The following GABBR2 variants were observed in gnomAD, a reference collection of about 807,000 sequenced individuals.
GABBR2 encodes the protein G-protein coupled receptor 51.
Under a neutral mutation model 105.6 loss-of-function variants are expected in GABBR2, and 23 were observed. The observed-to-expected ratio is 0.22, with a 90% CI of 0.16 to 0.31. GABBR2 has a LOEUF of 0.31. Ranked by LOEUF, GABBR2 falls within the 10% of genes least tolerant of loss-of-function variation. The probability of loss-of-function intolerance (pLI) is 1.00; values close to 1 mark genes in which losing one functional copy is unlikely to be tolerated. For synonymous variants in GABBR2, 478 were observed against 499.7 expected (o/e 0.96, Z 0.58); for missense variants, 734 against 1,245.5 (o/e 0.59, Z 6.18).
intron 7 of GABBR2, among the ~76,000 whole-genome samples, chr9:98,446,069 G>C (rs1198991822): frequency 6.6e-6 from 1 of 152,182 alleles, no homozygotes; most frequent in South Asian, 2.1e-4. Flanking sequence ...TAGAGGCAGA[G>C]TTTACTTGGT....
intron 11 of GABBR2, among the ~76,000 whole-genome samples, chr9:98,376,964 G>A (rs1435275663): frequency 6.6e-6 from 1 of 152,282 alleles, no homozygotes; most frequent in East Asian, 1.9e-4. Context: ...ACTCCTCAAG[G>A]CCCTTGAAGC....
chr9:98,497,177 G>T (rs1466768297), intron 3 of GABBR2, among the ~76,000 whole-genome samples: 2 of 152,174 alleles, frequency 1.3e-5, no homozygotes, highest in South Asian at 4.1e-4. Context: ...CAAGACGGGG[G>T]GCTTGCTTGA....
intron 1 of GABBR2, among the ~76,000 whole-genome samples, chr9:98,672,833 C>G (rs556692765): frequency 6.6e-6 from 1 of 152,180 alleles, no homozygotes; most frequent in East Asian, 1.9e-4. Context: ...AAGTTGGTCA[C>G]GGCCACCTCC....
intron 1 of GABBR2, among the ~76,000 whole-genome samples, chr9:98,625,237 C>T (rs1412733308): frequency 6.6e-6 from 1 of 152,218 alleles, no homozygotes; most frequent in African/African-American, 2.4e-5. Context: ...GGCTGCTCCA[C>T]CCCTGCCCTA....
chr9:98,327,613 A>ACTTCAAGCTGGG (rs1830945680), intron 13 of GABBR2, among the ~76,000 whole-genome samples: 1 of 152,116 alleles, frequency 6.6e-6, no homozygotes, highest in Non-Finnish European at 1.5e-5. Context: ...TGATGTCTGT[A>ACTTCAAGCTGGG]ATCCCAGCAC....
chr9:98,474,378 G>T (rs1224814388), intron 5 of GABBR2, among the ~76,000 whole-genome samples: 7 of 151,952 alleles, frequency 4.6e-5, no homozygotes, highest in Admixed American at 3.9e-4. Context: ...TGATAGCTTT[G>T]ATTCAAGCAG....
intron 10 of GABBR2, 85 bp from the exon 11 acceptor site, chr9:98,385,857 T>A (rs1832062879): frequency 1.9e-6 from 2 of 1,077,136 alleles, no homozygotes; most frequent in South Asian, 2.6e-5. Flanking sequence ...GCCTGCTAGA[T>A]ATATATTGTT....
At chr9:98,318,459 A>C (rs1185305697) in intron 13 of GABBR2, among the ~76,000 whole-genome samples, 1 of 152,182 alleles carries the variant, frequency 6.6e-6, no homozygotes, top group Non-Finnish European at 1.5e-5. Context: ...CTGACCCTGG[A>C]CCAGACCTTG....
chr9:98,464,535 G>A (rs543598527), intron 6 of GABBR2, among the ~76,000 whole-genome samples: 4 of 147,854 alleles, frequency 2.7e-5, no homozygotes, highest in African/African-American at 7.5e-5. Flanking sequence ...GGTGGGGGGC[G>A]CCTCTGCCCG....
At chr9:98,364,227 C>T (rs1298023112) in intron 12 of GABBR2, among the ~76,000 whole-genome samples, 1 of 152,204 alleles carries the variant, frequency 6.6e-6, no homozygotes, top group Non-Finnish European at 1.5e-5. Flanking sequence ...AACTCTCACC[C>T]TCTGGGGAAC....
intron 10 of GABBR2, among the ~76,000 whole-genome samples, chr9:98,387,431 C>T (rs1832093467): frequency 1.3e-5 from 2 of 152,114 alleles, no homozygotes; most frequent in Non-Finnish European, 2.9e-5. Context: ...TGATTATGTG[C>T]CCAGGCCTGT....
intron 1 of GABBR2, among the ~76,000 whole-genome samples, chr9:98,593,843 G>A (rs942311327): frequency 2.0e-5 from 3 of 152,164 alleles, no homozygotes; most frequent in South Asian, 4.2e-4. Flanking sequence ...CCTCTGCAGC[G>A]ACTCAGCTGG....
At chr9:98,360,249 AC>A (rs999431057) in intron 13 of GABBR2, among the ~76,000 whole-genome samples, 7 of 152,002 alleles carry the variant, frequency 4.6e-5, no homozygotes, top group African/African-American at 1.7e-4. Context: ...CTGTTCAACT[AC>A]CCTGTTGTGT....
At chr9:98,377,842 A>G (rs951162404) in intron 11 of GABBR2, among the ~76,000 whole-genome samples, 7 of 152,130 alleles carry the variant, frequency 4.6e-5, no homozygotes, top group African/African-American at 1.7e-4. Context: ...AGTTGGCCCA[A>G]TCAGGCCCTG....
At chr9:98,397,270 A>T (rs1832310549) in intron 8 of GABBR2, among the ~76,000 whole-genome samples, 1 of 152,244 alleles carries the variant, frequency 6.6e-6, no homozygotes, top group Non-Finnish European at 1.5e-5. Context: ...TCCTCAAGCC[A>T]GGTGGCCTTG....
Position 98,293,870 on chromosome 9 carries a change from C to T in GABBR2, c.2575G>A (p.Asp859Asn), listed in dbSNP as rs79773606. 8.1e-5 allele frequency: 130 copies of T among 1,612,144 alleles called. No homozygotes were observed. Among genetic ancestry groups the T allele is most frequent in the Admixed American group, 4.7e-4 (28 of 60,018 alleles). The change falls in exon 18 of 19, where the codon GAT (aspartate) becomes AAT (asparagine). Residue 859 changes from aspartate to asparagine, a missense_variant. Transcript: ENST00000259455. ...GGKAILKNHL[D>N]QNPQLQWNTT... is the part of the protein sequence containing the mutation. The stretch of plus-strand genomic sequence containing the variant: ...TTCCACTGTAGCTGGGGATTTTGAT[C>T]GAGGTGATTTTTTAAAATGGCCTTT...
At chr9:98,691,024 T>C (rs1199513585) in intron 1 of GABBR2, among the ~76,000 whole-genome samples, 1 of 152,210 alleles carries the variant, frequency 6.6e-6, no homozygotes, top group Admixed American at 6.5e-5. Context: ...AAGAGAAACA[T>C]AAAGTTGATT....
chr9:98,524,204 A>G (rs1679850348), intron 3 of GABBR2, among the ~76,000 whole-genome samples: 1 of 152,238 alleles, frequency 6.6e-6, no homozygotes, highest in Admixed American at 6.5e-5. Context: ...GGATGGTTTC[A>G]TAGACACACC....
intron 1 of GABBR2, among the ~76,000 whole-genome samples, chr9:98,583,373 C>G (rs114682386): frequency 6.6e-6 from 1 of 152,208 alleles, no homozygotes; most frequent in South Asian, 2.1e-4. Context: ...CCCTCAGGGG[C>G]GTAAAGCCCA....
Sources: gnomAD v4.1 joint callset for allele counts (sites outside exome capture counted in the v4.1 genomes callset) on GRCh38, gnomAD v4.1.1 for gene constraint, MANE v1.5 for transcripts, NCBI Gene and HGNC (gene_info 2026-07-23, HGNC 2026-07-21) for gene names.